The following MED27 variants were observed in gnomAD, a reference collection of about 807,000 sequenced individuals.
MED27 encodes the protein mediator of RNA polymerase II transcription subunit 27.
Under a neutral mutation model 38.2 loss-of-function variants are expected in MED27, and 30 were observed. The ratio of observed to expected loss-of-function variants is 0.79; its 90% CI spans 0.59 to 1.07. The LOEUF (loss-of-function observed/expected upper bound fraction) is 1.07, where lower values mean the gene tolerates loss of function less well. Ranked by LOEUF, MED27 falls within the 50% of genes least tolerant of loss-of-function variation. MED27 has a pLI of 0.00. For missense variants in MED27, 289 were observed against 397.5 expected, an observed-to-expected ratio of 0.73 and a Z score of 2.32; for synonymous variants, 122 against 153.5, an observed-to-expected ratio of 0.79 and a Z score of 1.52.
chr9:131,880,598 AT>A (rs1478624411), intron 6 of MED27, among the ~76,000 whole-genome samples: 1 of 152,238 alleles, frequency 6.6e-6, no homozygotes, highest in African/African-American at 2.4e-5. Context: ...TAAAATTCCC[AT>A]CCCTTAGAAT....
chr9:132,013,514 AAACTGT>A (rs1157194265), intron 3 of MED27, among the ~76,000 whole-genome samples: 3 of 152,222 alleles, frequency 2.0e-5, no homozygotes, highest in African/African-American at 7.2e-5. Flanking sequence ...AAAAATCATT[AAACTGT>A]ATGCTCTGTG....
chr9:131,934,614 A>G (rs1200138080), intron 4 of MED27, among the ~76,000 whole-genome samples: 1 of 152,218 alleles, frequency 6.6e-6, no homozygotes, highest in Non-Finnish European at 1.5e-5. Flanking sequence ...GTTGGTGGAA[A>G]TGTAAATTAG....
rs935286563 is a variant in MED27, at chr9:131,997,325, C to T, written c.479+17012G>A. ...TGCTGTCTGGCTACAGGACAGCGATCGACATACAGCCTCCAGCTATCGGCA... is the reference window on the plus strand; with the variant it reads ...TGCTGTCTGGCTACAGGACAGCGATTGACATACAGCCTCCAGCTATCGGCA... On this transcript the variant is annotated intron_variant, in intron 3 of 7. Coordinates refer to ENST00000292035, the MANE Select transcript of MED27 (RefSeq NM_004269.4). The surrounding 1 kb of genome is among the most constrained non-coding windows in gnomAD (Gnocchi z 4.0). Among the ~76,000 whole-genome samples, 7 of 152,140 alleles carry T rather than the reference C, an allele frequency of 4.6e-5. No homozygotes were observed. Among genetic ancestry groups the T allele is most frequent in the African/African-American group, 7.2e-5 (3 of 41,430 alleles).
At chr9:131,866,624 G>A (rs901654696) in intron 6 of MED27, among the ~76,000 whole-genome samples, 5 of 152,176 alleles carry the variant, frequency 3.3e-5, no homozygotes, top group African/African-American at 1.2e-4. Context: ...CGCCTTGGGC[G>A]AGGCACTTCA....
At chr9:131,965,070 T>C (rs1262021722) in intron 3 of MED27, among the ~76,000 whole-genome samples, 1 of 152,240 alleles carries the variant, frequency 6.6e-6, no homozygotes, top group Non-Finnish European at 1.5e-5. Context: ...TTTGGGAAGG[T>C]GAAAAAGTTC....
chr9:131,974,866 C>G (rs114389774), intron 3 of MED27, among the ~76,000 whole-genome samples: 1 of 152,202 alleles, frequency 6.6e-6, no homozygotes, highest in Non-Finnish European at 1.5e-5. Flanking sequence ...TTTGCTGTCA[C>G]TTCCTCAGTG....
At chr9:131,949,656 T>C (rs895588542) in intron 3 of MED27, among the ~76,000 whole-genome samples, 1 of 152,206 alleles carries the variant, frequency 6.6e-6, no homozygotes, top group Admixed American at 6.5e-5. Flanking sequence ...CTTTTAGTAG[T>C]GTAGTAACAA....
intron 2 of MED27, among the ~76,000 whole-genome samples, chr9:132,050,020 C>T (rs1833428624): frequency 6.6e-6 from 1 of 151,904 alleles, no homozygotes; most frequent in Non-Finnish European, 1.5e-5. Context: ...AGAAATATAA[C>T]ATGGGATGGG....
rs148466075 is a variant in MED27 at position 132,065,301 on chromosome 9, C to G, written c.348+12141G>C. 3.5e-3 allele frequency among the ~76,000 whole-genome samples: 527 copies of G among 152,304 alleles called. 3 individuals are homozygous for G. Among genetic ancestry groups the G allele is most frequent in the African/African-American group, 0.012 (496 of 41,562 alleles). On this transcript the variant is annotated intron_variant, in intron 2 of 7. Coordinates refer to ENST00000292035, the MANE Select transcript of MED27 (RefSeq NM_004269.4). ...AGTAATCAGTAATCAGTGAAGCCTA[C>G]TGACTAAAAATAACAGTGGTCTACC...
chr9:131,990,326 C>T (rs1255850425), intron 3 of MED27, among the ~76,000 whole-genome samples: 1 of 152,194 alleles, frequency 6.6e-6, no homozygotes, highest in Non-Finnish European at 1.5e-5. Context: ...TGGAACATTC[C>T]TTCATCCTCT....
intron 4 of MED27, among the ~76,000 whole-genome samples, chr9:131,933,853 G>A (rs1282074553): frequency 6.6e-6 from 1 of 152,012 alleles, no homozygotes; most frequent in Non-Finnish European, 1.5e-5. Context: ...AAAACTGGAG[G>A]AATCACATTA....
chr9:132,055,862 C>T (rs1231385726), intron 2 of MED27, among the ~76,000 whole-genome samples: 1 of 152,210 alleles, frequency 6.6e-6, no homozygotes, highest in African/African-American at 2.4e-5. Context: ...TATGATGTGC[C>T]AGATGCCACT....
rs202214818 is a variant in MED27, at chr9:132,077,700, A to G, written c.204-114T>C. 172 of 1,091,814 alleles carry G rather than the reference A, an allele frequency of 1.6e-4. No individual in the cohort carries two copies. In the East Asian group the frequency reaches 4.2e-3, roughly 27 times the overall value. The allele number at this position is 1,091,814 out of a possible 1,614,324, so 67.6% of individuals were successfully genotyped here. On this transcript the variant is annotated intron_variant, in intron 1 of 7. Coordinates refer to ENST00000292035, the MANE Select transcript of MED27 (RefSeq NM_004269.4). ...AACCATCCATCAGAAGTCCCTTAAG[A>G]AGAAATACTTTTTGAAAGGTTAAAA...
At chr9:131,940,357 C>T (rs1245630254) in intron 3 of MED27, among the ~76,000 whole-genome samples, 1 of 152,182 alleles carries the variant, frequency 6.6e-6, no homozygotes, top group Non-Finnish European at 1.5e-5. Flanking sequence ...CATAGTGGCT[C>T]ATGACTACAT....
intron 5 of MED27, among the ~76,000 whole-genome samples, chr9:131,885,433 CG>C (rs1448091440): frequency 5.9e-5 from 9 of 152,242 alleles, no homozygotes; most frequent in East Asian, 3.9e-4. Context: ...ATGGCTGGAG[CG>C]GGCCCAAGAG....
intron 3 of MED27, among the ~76,000 whole-genome samples, chr9:131,970,640 C>T (rs138395953): frequency 8.7e-4 from 133 of 152,290 alleles, no homozygotes; most frequent in African/African-American, 3.0e-3. Flanking sequence ...CAGGAATAGA[C>T]GTTCTCAGAA....
intron 2 of MED27, among the ~76,000 whole-genome samples, chr9:132,055,002 C>T (rs1459668466): frequency 2.0e-5 from 3 of 152,218 alleles, no homozygotes; most frequent in South Asian, 2.1e-4. Context: ...CTCAGAAGGG[C>T]GCTTTCTTTG....
chr9:131,990,778 C>T (rs1831955475), intron 3 of MED27, among the ~76,000 whole-genome samples: 1 of 152,210 alleles, frequency 6.6e-6, no homozygotes, highest in South Asian at 2.1e-4. Context: ...GGCTGAACTG[C>T]ACCTCCTGGA....
chr9:132,001,717 C>T (rs1159255672), intron 3 of MED27, among the ~76,000 whole-genome samples: 2 of 152,174 alleles, frequency 1.3e-5, no homozygotes, highest in African/African-American at 2.4e-5. Context: ...CCAGCAGGTT[C>T]CCATCTGTGG....
Sources: gnomAD v4.1 joint callset for allele counts (sites outside exome capture counted in the v4.1 genomes callset) on GRCh38, gnomAD v4.1.1 for gene constraint, Gnocchi (gnomAD v3.1) non-coding constraint, MANE v1.5 for transcripts, NCBI Gene and HGNC (gene_info 2026-07-23, HGNC 2026-07-21) for gene names.